The following PTPRD variants were observed in gnomAD, a reference collection of about 807,000 sequenced individuals.
The protein encoded by PTPRD is receptor-type tyrosine-protein phosphatase delta.
In PTPRD, 34 loss-of-function variants were observed where a neutral mutation model predicts 214.5. The ratio of observed to expected loss-of-function variants is 0.16; its 90% confidence interval spans 0.12 to 0.21. PTPRD has a LOEUF of 0.21. PTPRD is among the 10% of genes least tolerant of loss of function. The probability of loss-of-function intolerance (pLI) is 1.00; values close to 1 mark genes in which losing one functional copy is unlikely to be tolerated. For synonymous variants in PTPRD, 1,128 were observed against 845.7 expected (o/e 1.33, Z -5.79); for missense variants, 2,545 against 2,398.7 (o/e 1.06, Z -1.27).
At chr9:9,090,689 T>A (rs919951963) in intron 10 of PTPRD, among the ~76,000 whole-genome samples, 13 of 152,184 alleles carry the variant, frequency 8.5e-5, no homozygotes, top group Admixed American at 7.9e-4. Context: ...ATTTTCATCT[T>A]CCTAAGTGAG....
intron 27 of PTPRD, among the ~76,000 whole-genome samples, chr9:8,491,758 G>A (rs1414506404): frequency 2.0e-5 from 3 of 152,004 alleles, no homozygotes; most frequent in Admixed American, 6.5e-5. Context: ...CAGGATGCGA[G>A]CGAGGCAAAT....
chr9:9,929,920 T>C (rs2085794876), intron 5 of PTPRD, among the ~76,000 whole-genome samples: 1 of 152,182 alleles, frequency 6.6e-6, no homozygotes, highest in Admixed American at 6.5e-5. Context: ...TTGGATGACA[T>C]GGGTCACAAT....
intron 7 of PTPRD, among the ~76,000 whole-genome samples, chr9:9,684,340 G>C (rs539408670): frequency 1.2e-4 from 18 of 151,698 alleles, no homozygotes; most frequent in African/African-American, 4.1e-4. Context: ...CTAGCATCCA[G>C]ATCCTATCAA....
In PTPRD at chr9:10,353,603, T is replaced by C. The variant is rs925475680; in HGVS notation, c.-599-12586A>G. On this transcript the variant is annotated intron_variant, in intron 2 of 45. Transcript: ENST00000381196. Reference sequence around the variant, plus strand: ...GCAGAAGAGTTACAAGTTTTTAATATAGAGTCTCTTAAAGACTGCAAATAA... The same window carrying C: ...GCAGAAGAGTTACAAGTTTTTAATACAGAGTCTCTTAAAGACTGCAAATAA... Among the ~76,000 whole-genome samples the C allele has an allele frequency of 2.6e-5, 4 of 151,970 alleles. No individual in the cohort carries two copies. The East Asian group carries it at 5.8e-4, about 22-fold the overall frequency.
intron 3 of PTPRD, among the ~76,000 whole-genome samples, chr9:10,166,289 G>A (rs915384741): frequency 6.8e-6 from 1 of 146,178 alleles, no homozygotes; most frequent in African/African-American, 2.5e-5. Context: ...AAAAAAAATT[G>A]TTTGAAAGCC....
intron 5 of PTPRD, among the ~76,000 whole-genome samples, chr9:9,772,188 G>C (rs745664329): frequency 6.6e-6 from 1 of 152,062 alleles, no homozygotes; most frequent in Admixed American, 6.6e-5. Context: ...CACAGCGAGA[G>C]ATACACAGAA....
chr9:10,024,186 T>C (rs2096877182), intron 4 of PTPRD, among the ~76,000 whole-genome samples: 1 of 152,184 alleles, frequency 6.6e-6, no homozygotes, highest in South Asian at 2.1e-4. Context: ...GATAAGCATT[T>C]TTATCCTTGT....
intron 11 of PTPRD, among the ~76,000 whole-genome samples, chr9:8,941,079 T>C (rs2099031251): frequency 6.6e-6 from 1 of 152,110 alleles, no homozygotes; most frequent in Non-Finnish European, 1.5e-5. Flanking sequence ...CAAGAAATCA[T>C]TTGTGATATT....
At chr9:8,895,059 T>C (rs1587586294) in intron 11 of PTPRD, among the ~76,000 whole-genome samples, 1 of 152,260 alleles carries the variant, frequency 6.6e-6, no homozygotes, top group East Asian at 1.9e-4. Context: ...CTTTGGAAAC[T>C]GATTCAACTT....
chr9:10,303,632 C>T (rs970972401), intron 3 of PTPRD, among the ~76,000 whole-genome samples: 41 of 152,260 alleles, frequency 2.7e-4, no homozygotes, highest in Admixed American at 8.5e-4. Flanking sequence ...ATACTATAAT[C>T]ATCTGTAGGC....
chr9:9,059,809 C>G (rs1213952060), intron 10 of PTPRD, among the ~76,000 whole-genome samples: 2 of 151,888 alleles, frequency 1.3e-5, no homozygotes, highest in Admixed American at 1.3e-4. Context: ...AAATAACTTA[C>G]AGCAAATATT....
intron 12 of PTPRD, among the ~76,000 whole-genome samples, chr9:8,687,563 G>C (rs1345906217): frequency 6.6e-6 from 1 of 152,186 alleles, no homozygotes; most frequent in African/African-American, 2.4e-5. Context: ...TGAAGTTACA[G>C]CCAAGGTCGG....
intron 35 of PTPRD, among the ~76,000 whole-genome samples, chr9:8,427,127 G>A (rs531865685): frequency 1.3e-5 from 2 of 152,142 alleles, no homozygotes; most frequent in East Asian, 1.9e-4. Context: ...TCAGATGGCC[G>A]ACTGGTAGGC....
At chr9:9,706,037 A>G (rs1309140107) in intron 7 of PTPRD, among the ~76,000 whole-genome samples, 1 of 152,126 alleles carries the variant, frequency 6.6e-6, no homozygotes, top group East Asian at 1.9e-4. Context: ...TTGCAAATTA[A>G]TCATGAGGAT....
chr9:9,446,990 G>C (rs1267116816), intron 8 of PTPRD, among the ~76,000 whole-genome samples: 1 of 152,120 alleles, frequency 6.6e-6, no homozygotes, highest in African/African-American at 2.4e-5. Flanking sequence ...AGTCAGAATG[G>C]CTATTATAAA....
intron 9 of PTPRD, among the ~76,000 whole-genome samples, chr9:9,321,523 C>T (rs1228603669): frequency 5.6e-5 from 8 of 144,132 alleles, no homozygotes; most frequent in Non-Finnish European, 1.2e-4. Flanking sequence ...CCATTGCACC[C>T]CAGCCTGGGC....
At chr9:9,351,603 T>C (rs188747390) in intron 9 of PTPRD, among the ~76,000 whole-genome samples, 100 of 152,140 alleles carry the variant, frequency 6.6e-4, no homozygotes, top group African/African-American at 2.4e-3. Context: ...ACTGAGTCAG[T>C]ACAGCAAACC....
At chr9:8,452,829 C>G (rs1326391024) in intron 33 of PTPRD, among the ~76,000 whole-genome samples, 1 of 152,014 alleles carries the variant, frequency 6.6e-6, no homozygotes, top group Non-Finnish European at 1.5e-5. Context: ...AGGCTCTCAT[C>G]TGGGGGGAAG....
At chr9:9,881,383 T>C (rs544055160) in intron 5 of PTPRD, among the ~76,000 whole-genome samples, 7 of 152,298 alleles carry the variant, frequency 4.6e-5, no homozygotes, top group Non-Finnish European at 1.0e-4. Context: ...GAGTAATTCC[T>C]ACTTCCCCAG....
Sources: gnomAD v4.1 joint callset for allele counts (sites outside exome capture counted in the v4.1 genomes callset) on GRCh38, gnomAD v4.1.1 for gene constraint, MANE v1.5 for transcripts, NCBI Gene and HGNC (gene_info 2026-07-23, HGNC 2026-07-21) for gene names.